The following RPRD2 variants were observed in gnomAD, a reference collection of about 807,000 sequenced individuals.
The protein encoded by RPRD2 is regulation of nuclear pre-mRNA domain containing 2, also known as regulation of nuclear pre-mRNA domain-containing protein 2.
Under a neutral mutation model 104.4 loss-of-function variants are expected in RPRD2, and 12 were observed. The observed-to-expected ratio is 0.11, with a 90% confidence interval of 0.07 to 0.19. The LOEUF is 0.19. Ranked by LOEUF, RPRD2 falls within the 10% of genes least tolerant of loss-of-function variation. The pLI, the probability that RPRD2 is intolerant of heterozygous loss-of-function variation, is 1.00. For synonymous variants in RPRD2, 714 were observed against 684.9 expected, an observed-to-expected ratio of 1.04 and a Z score of -0.66; for missense variants, 1,543 against 1,790.1, an observed-to-expected ratio of 0.86 and a Z score of 2.49.
At chr1:150,395,316 G>A (rs782521176) in intron 1 of RPRD2, among the ~76,000 whole-genome samples, 33 of 150,806 alleles carry the variant, frequency 2.2e-4, no homozygotes, top group South Asian at 1.0e-3. Flanking sequence ...CATCCAGGTC[G>A]CTGCTAATGC....
rs587601035 is a variant in RPRD2 at position 150,431,499 on chromosome 1, A to G, written c.336-9424A>G. Among the ~76,000 whole-genome samples the G allele has an allele frequency of 3.1e-4, 7 of 22,864 alleles. No individual in the cohort carries two copies. The East Asian group carries it at 9.2e-3, about 30-fold the overall frequency. The allele number at this position is 22,864 out of a possible 152,430, so 15.0% of individuals were successfully genotyped here. A position where few individuals can be genotyped will look rare whatever the true frequency, so the allele number is the denominator to read the frequency against. ...TTTTTTTTTTTTTTTTTTTTTTTTGAGACGGGGTTTTGTCCTTGTTGCCCT... is the reference window on the plus strand; with the variant it reads ...TTTTTTTTTTTTTTTTTTTTTTTTGGGACGGGGTTTTGTCCTTGTTGCCCT... On this transcript the variant is annotated intron_variant, in intron 2 of 10. Coordinates refer to ENST00000369068, the MANE Select transcript of RPRD2 (RefSeq NM_015203.5).
At chr1:150,365,526 C>G (rs17648797) in intron 1 of RPRD2, among the ~76,000 whole-genome samples, 12,037 of 152,256 alleles carry the variant, frequency 0.079, 656 homozygotes, top group Admixed American at 0.16. Context: ...TGGATACTGA[C>G]CAGAAACAAC....
chr1:150,423,914 TCC>T (rs1553890132), intron 2 of RPRD2, among the ~76,000 whole-genome samples: 1 of 151,258 alleles, frequency 6.6e-6, no homozygotes, highest in East Asian at 2.0e-4. Context: ...TGCCTCAGCC[TCC>T]TGAGAGGCTG....
intron 2 of RPRD2, among the ~76,000 whole-genome samples, chr1:150,428,112 T>C (rs1553890884): frequency 6.6e-6 from 1 of 152,144 alleles, no homozygotes; most frequent in African/African-American, 2.4e-5. Flanking sequence ...GACTAAGTTA[T>C]ATGAATGGGA....
At chr1:150,384,215 A>G (rs1434815539) in intron 1 of RPRD2, among the ~76,000 whole-genome samples, 1 of 152,098 alleles carries the variant, frequency 6.6e-6, no homozygotes, top group Non-Finnish European at 1.5e-5. Flanking sequence ...TGGTAATGTA[A>G]GAGTTTCTGG....
At chr1:150,393,708 T>C (rs587768261) in intron 1 of RPRD2, among the ~76,000 whole-genome samples, 115 of 152,218 alleles carry the variant, frequency 7.6e-4, no homozygotes, top group African/African-American at 2.5e-3. Flanking sequence ...TGGTATACAA[T>C]GCCAACAAAG....
chr1:150,370,352 C>T (rs1358172515), intron 1 of RPRD2, among the ~76,000 whole-genome samples: 1 of 152,106 alleles, frequency 6.6e-6, no homozygotes, highest in Non-Finnish European at 1.5e-5. Context: ...AGTTTTTCAT[C>T]TATAAGTAGT....
intron 1 of RPRD2, among the ~76,000 whole-genome samples, chr1:150,393,549 A>G (rs1662261522): frequency 6.6e-6 from 1 of 151,812 alleles, no homozygotes; most frequent in South Asian, 2.1e-4. Flanking sequence ...TGAATGTATC[A>G]CCCCATAGAT....
intron 7 of RPRD2, among the ~76,000 whole-genome samples, chr1:150,446,866 G>T (rs886892849): frequency 8.1e-6 from 1 of 124,222 alleles, no homozygotes; most frequent in African/African-American, 3.3e-5. Context: ...GGAGTTTGTC[G>T]CTCTTGTTGC....
intron 7 of RPRD2, among the ~76,000 whole-genome samples, chr1:150,448,032 T>G (rs1666908449): frequency 6.6e-6 from 1 of 152,198 alleles, no homozygotes; most frequent in African/African-American, 2.4e-5. Context: ...TAAAGGACTG[T>G]ATTTACTATT....
At chr1:150,389,675 T>C (rs1440563691) in intron 1 of RPRD2, among the ~76,000 whole-genome samples, 2 of 152,202 alleles carry the variant, frequency 1.3e-5, no homozygotes, top group Non-Finnish European at 2.9e-5. Context: ...AGGGGAGTTA[T>C]GCCGTCTACC....
chr1:150,437,792 C>T (rs1445365336), intron 2 of RPRD2, among the ~76,000 whole-genome samples: 1 of 151,806 alleles, frequency 6.6e-6, no homozygotes, highest in African/African-American at 2.4e-5. Context: ...GTTGCCCAGG[C>T]TGGTCTCAAA....
chr1:150,471,828 G>A lies in RPRD2; in HGVS notation c.2880G>A (p.Lys960=). The change falls in exon 11 of 11, where the codon AAG becomes AAA. Residue 960 remains lysine (K), a synonymous_variant. Coordinates refer to ENST00000369068, the MANE Select transcript of RPRD2 (RefSeq NM_015203.5). The surrounding 1 kb of genome is among the most constrained non-coding windows in gnomAD (Gnocchi z 5.3). ...CTGGGCATCTCAGTTTGCCACAGAA[G>A]CAGTACCCAGACTCTCCTCACCCAG... ...STTGHLSLPQ[K]QYPDSPHPVP... 6.2e-7 allele frequency: 1 copy of A among 1,613,908 alleles called. No individual in the cohort carries two copies. Among genetic ancestry groups the A allele is most frequent in the Non-Finnish European group, 8.5e-7 (1 of 1,179,876 alleles).
intron 7 of RPRD2, among the ~76,000 whole-genome samples, chr1:150,446,691 A>G (rs587600063): frequency 1.1e-4 from 17 of 152,140 alleles, no homozygotes; most frequent in East Asian, 9.7e-4. Flanking sequence ...TCAGGCTTCA[A>G]TGAGCTGTGA....
intron 1 of RPRD2, among the ~76,000 whole-genome samples, chr1:150,381,781 G>A (rs1260980177): frequency 6.6e-6 from 1 of 152,086 alleles, no homozygotes; most frequent in East Asian, 1.9e-4. Context: ...TGGGATTACA[G>A]ACGTGAGCCA....
At chr1:150,431,667 GAC>G (rs1403678688) in intron 2 of RPRD2, among the ~76,000 whole-genome samples, 4 of 118,708 alleles carry the variant, frequency 3.4e-5, no homozygotes, top group Non-Finnish European at 6.0e-5. Context: ...TTTTAGTAGA[GAC>G]AGGGGTTCAC....
intron 5 of RPRD2, among the ~76,000 whole-genome samples, chr1:150,443,970 A>G (rs906880376): frequency 6.6e-6 from 1 of 152,180 alleles, no homozygotes; most frequent in Non-Finnish European, 1.5e-5. Context: ...GTGAGCCGAG[A>G]TCGTGCCACT....
intron 2 of RPRD2, among the ~76,000 whole-genome samples, chr1:150,424,646 C>T (rs2102299489): frequency 6.6e-6 from 1 of 152,200 alleles, no homozygotes; most frequent in African/African-American, 2.4e-5. Flanking sequence ...AGTTAAGATA[C>T]CACCCAAAGG....
intron 2 of RPRD2, among the ~76,000 whole-genome samples, chr1:150,440,322 C>T (rs2102353445): frequency 1.3e-5 from 2 of 152,284 alleles, no homozygotes; most frequent in South Asian, 4.1e-4. Flanking sequence ...TCCACCTCGG[C>T]CTCCCAAAGC....
Sources: allele counts gnomAD v4.1 joint callset (sites outside exome capture counted in the v4.1 genomes callset), GRCh38; gene constraint gnomAD v4.1.1; non-coding constraint Gnocchi (gnomAD v3.1); transcripts MANE v1.5; gene names NCBI Gene and HGNC (gene_info 2026-07-23, HGNC 2026-07-21).